The following SRGAP2C variants were observed in gnomAD, a reference collection of about 807,000 sequenced individuals.
SRGAP2C encodes the protein SLIT-ROBO Rho GTPase-activating protein 2C.
A neutral mutation model predicts 25.1 loss-of-function variants in SRGAP2C; 15 were observed. The ratio of observed to expected loss-of-function variants is 0.60; its 90% CI spans 0.40 to 0.92. The LOEUF (loss-of-function observed/expected upper bound fraction) is 0.92. Ranked by LOEUF, SRGAP2C falls within the 40% of genes least tolerant of loss-of-function variation. The pLI is 0.00. For missense variants in SRGAP2C, 144 were observed against 264.4 expected (o/e 0.54, Z 3.16); for synonymous variants, 44 against 96.6 (o/e 0.46, Z 3.19).
Position 121,250,845 on chromosome 1 carries a change from G to A in SRGAP2C, c.68-33958G>A, listed in dbSNP as rs201189043. Reference sequence around the variant, plus strand: ...AATGACTGGAAGGGAAGCCAAAGGGGCTTTCAGAGCACTAGCGATGCTCTA... The same window carrying A: ...AATGACTGGAAGGGAAGCCAAAGGGACTTTCAGAGCACTAGCGATGCTCTA... On this transcript the variant is annotated intron_variant, in intron 2 of 9. Transcript: ENST00000367123. Among the ~76,000 whole-genome samples, 879 of 122,962 alleles carry A rather than the reference G, an allele frequency of 7.1e-3. 45 individuals are homozygous for A. The East Asian group carries it at 0.09, about 13-fold the overall frequency. 80.7% of individuals were successfully genotyped at this position (122,962 alleles called of 152,430 possible). A position where few individuals can be genotyped will look rare whatever the true frequency, so the allele number is the denominator to read the frequency against.
chr1:121,207,281 G>C (rs1655137136), intron 2 of SRGAP2C, among the ~76,000 whole-genome samples: 1 of 152,248 alleles, frequency 6.6e-6, no homozygotes, highest in Non-Finnish European at 1.5e-5. Flanking sequence ...CTTTCCCTGT[G>C]CCCTGTAGGG....
intron 3 of SRGAP2C, among the ~76,000 whole-genome samples, chr1:121,289,343 C>T (rs1191073969): frequency 1.3e-5 from 2 of 150,960 alleles, no homozygotes; most frequent in Non-Finnish European, 1.5e-5. Flanking sequence ...CAGCCACTGG[C>T]CCGGGTGCTA....
rs1226716365 is a variant in SRGAP2C at position 121,284,981 on chromosome 1, G to A, written c.246G>A (p.Lys82=). The A allele has an allele frequency of 9.8e-6, 15 of 1,528,092 alleles. 1 individual carries two copies. The African/African-American group carries it at 1.9e-4, about 20-fold the overall frequency. The allele number at this position is 1,528,092 out of a possible 1,614,324, so 94.7% of individuals were successfully genotyped here. A position where few individuals can be genotyped will look rare whatever the true frequency, so the allele number is the denominator to read the frequency against. The change falls in exon 3 of 10, where the codon AAG becomes AAA. Residue 82 remains lysine (K), a synonymous_variant. Transcript: ENST00000367123. ...TCCTGGCCAAGACACGCAGCACCAA[G>A]GACCAGCAATTCAAGTAGGGGCTCT... ...EHFLAKTRST[K]DQQFKKDQNV...
intron 8 of SRGAP2C, among the ~76,000 whole-genome samples, chr1:121,384,617 C>A (rs1659914742): frequency 8.7e-6 from 1 of 115,014 alleles, no homozygotes; most frequent in South Asian, 3.2e-4. Context: ...ATCAGTGGAA[C>A]TTGGGGACCA....
chr1:121,286,225 A>T (rs1657362110), intron 3 of SRGAP2C, among the ~76,000 whole-genome samples: 2 of 136,300 alleles, frequency 1.5e-5, no homozygotes, highest in Non-Finnish European at 3.1e-5. Context: ...ATGTCTCTCC[A>T]TTGTCTATGT....
At chr1:121,308,872 G>A (rs1352804318) in intron 3 of SRGAP2C, among the ~76,000 whole-genome samples, 3 of 141,894 alleles carry the variant, frequency 2.1e-5, no homozygotes, top group African/African-American at 8.0e-5. Flanking sequence ...CCAGGAGGCG[G>A]AGGTTGCGGT....
At chr1:121,303,688 G>A (rs1458412398) in intron 3 of SRGAP2C, among the ~76,000 whole-genome samples, 1 of 148,972 alleles carries the variant, frequency 6.7e-6, no homozygotes. Context: ...ACACACCCAT[G>A]TACTTCTATA....
intron 3 of SRGAP2C, among the ~76,000 whole-genome samples, chr1:121,308,667 G>A (rs1467222090): frequency 1.7e-4 from 26 of 151,942 alleles, no homozygotes; most frequent in Admixed American, 5.2e-4. Context: ...GGCCGGGTGC[G>A]GTGGTTCACA....
At chr1:121,352,935 A>G (rs1271231447) in intron 4 of SRGAP2C, among the ~76,000 whole-genome samples, 7 of 143,338 alleles carry the variant, frequency 4.9e-5, no homozygotes, top group Non-Finnish European at 9.1e-5. Context: ...TAAAAATACA[A>G]AAAAATTAGC....
At chr1:121,362,234 G>C (rs1484983501) in intron 4 of SRGAP2C, 3 of 105,548 alleles carry the variant, frequency 2.8e-5, no homozygotes. Context: ...TCTGTGAAAG[G>C]AGAGACACTG....
At position 121,207,528 on chromosome 1, in the gene SRGAP2C, T is replaced by A. The variant is rs1315823925; in HGVS notation, c.67+20015T>A. Among the ~76,000 whole-genome samples, 4 of 152,112 alleles carry A rather than the reference T, an allele frequency of 2.6e-5. No homozygotes were observed. The East Asian group carries it at 7.7e-4, about 29-fold the overall frequency. On this transcript the variant is annotated intron_variant, in intron 2 of 9. Transcript: ENST00000367123. ...GAGGCTGAGTTCAGCAAAACATGAC[T>A]AGGTGGTGCTGGTGCTGTTTCAGGG...
chr1:121,270,761 C>G (rs1244652664), intron 2 of SRGAP2C, among the ~76,000 whole-genome samples: 16 of 140,892 alleles, frequency 1.1e-4, no homozygotes, highest in African/African-American at 4.1e-4. Flanking sequence ...TATAATTTAT[C>G]TTTGAATATT....
chr1:121,281,420 CCTT>C (rs1301047702), intron 2 of SRGAP2C, among the ~76,000 whole-genome samples: 3 of 149,494 alleles, frequency 2.0e-5, no homozygotes, highest in Admixed American at 6.7e-5. Flanking sequence ...TCCTTTTCCT[CCTT>C]CTTCTTCTTC....
At position 121,374,818 on chromosome 1, in the gene SRGAP2C, C is replaced by G. The variant is rs781994652; in HGVS notation, c.703-8C>G. The G allele has an allele frequency of 1.3e-6, 1 of 757,684 alleles. No individual in the cohort carries two copies. The highest frequency in any genetic ancestry group is 1.4e-5 in the South Asian group (1 of 71,858). 46.9% of individuals were successfully genotyped at this position (757,684 alleles called of 1,614,324 possible). ...AAAGGTAAAAGTGAACTTCTGTTTCCTTTTCAGCACCAAGCCAAGTACACG... is the reference window on the plus strand; with the variant it reads ...AAAGGTAAAAGTGAACTTCTGTTTCGTTTTCAGCACCAAGCCAAGTACACG... On this transcript the variant is annotated splice_region_variant and splice_polypyrimidine_tract_variant and intron_variant, in intron 6 of 9. Transcript: ENST00000367123.
chr1:121,283,715 A>G (rs1489242847), intron 2 of SRGAP2C, among the ~76,000 whole-genome samples: 2 of 150,368 alleles, frequency 1.3e-5, no homozygotes, highest in Non-Finnish European at 3.0e-5. Context: ...AAGATGAAAG[A>G]AATGGCTCCA....
At chr1:121,216,100 C>T (rs1655376855) in intron 2 of SRGAP2C, among the ~76,000 whole-genome samples, 1 of 152,292 alleles carries the variant, frequency 6.6e-6, no homozygotes, top group Admixed American at 6.5e-5. Flanking sequence ...ACCAGCAAAG[C>T]TGGGTACCTG....
chr1:121,319,599 G>A (rs1370340140), intron 3 of SRGAP2C, among the ~76,000 whole-genome samples: 1 of 151,816 alleles, frequency 6.6e-6, no homozygotes, highest in Non-Finnish European at 1.5e-5. Flanking sequence ...AGGGAGAAAA[G>A]CTGGGCTAAT....
In SRGAP2C at chr1:121,284,878, A is replaced by T; in HGVS notation, c.143A>T (p.Asp48Val). 3.3e-6 allele frequency: 4 copies of T among 1,209,792 alleles called. No homozygotes were observed. Among genetic ancestry groups the T allele is most frequent in the Non-Finnish European group, 4.7e-6 (4 of 849,100 alleles). 74.9% of individuals were successfully genotyped at this position (1,209,792 alleles called of 1,614,324 possible). The change falls in exon 3 of 10, where the codon GAC (aspartate) becomes GTC (valine). Residue 48 changes from aspartate (D) to valine (V), a missense_variant. By Grantham distance (152) the Asp-to-Val change is radical. Coordinates refer to ENST00000367123, the MANE Select transcript of SRGAP2C (RefSeq NM_001329984.2). ...GAGCTTCGGGTGCAACTGTTGCAGGACCTCCAGGACTTCTTCCGAAAGAAG... is the reference window on the plus strand; with the variant it reads ...GAGCTTCGGGTGCAACTGTTGCAGGTCCTCCAGGACTTCTTCCGAAAGAAG... ...QCELRVQLLQ[D>V]LQDFFRKKAE...
intron 2 of SRGAP2C, among the ~76,000 whole-genome samples, chr1:121,273,932 G>A (rs1657039976): frequency 6.6e-6 from 1 of 151,598 alleles, no homozygotes; most frequent in Non-Finnish European, 1.5e-5. Flanking sequence ...AACAACATAT[G>A]AAGGCCCAGG....
Sources: allele counts gnomAD v4.1 joint callset (sites outside exome capture counted in the v4.1 genomes callset), GRCh38; gene constraint gnomAD v4.1.1; transcripts MANE v1.5; gene names NCBI Gene and HGNC (gene_info 2026-07-23, HGNC 2026-07-21).